TSHZ1: variants seen among roughly 807,000 people sequenced by gnomAD.
TSHZ1 encodes teashirt homolog 1.
Under a neutral mutation model 67.1 loss-of-function variants are expected in TSHZ1, and 12 were observed. The observed-to-expected ratio is 0.18, with a 90% CI of 0.11 to 0.29. The LOEUF is 0.29. Ranked by LOEUF, TSHZ1 falls within the 10% of genes least tolerant of loss-of-function variation. The probability of loss-of-function intolerance (pLI) is 1.00; values close to 1 mark genes in which losing one functional copy is unlikely to be tolerated. For missense variants in TSHZ1, 1,305 were observed against 1,413.9 expected (o/e 0.92, Z 1.23); for synonymous variants, 632 against 622.4 (o/e 1.02, Z -0.23).
intron 1 of TSHZ1, among the ~76,000 whole-genome samples, chr18:75,276,397 G>A (rs1292866353): frequency 2.0e-5 from 3 of 152,000 alleles, no homozygotes; most frequent in Non-Finnish European, 4.4e-5. Flanking sequence ...AAATTAGTGC[G>A]TATATTGTAT....
intron 1 of TSHZ1, among the ~76,000 whole-genome samples, chr18:75,259,054 C>T (rs1003352562): frequency 6.6e-6 from 1 of 152,186 alleles, no homozygotes; most frequent in African/African-American, 2.4e-5. Flanking sequence ...CAATAGGAGC[C>T]GCCTGTTTCT....
chr18:75,233,835 G>A lies in TSHZ1; in HGVS notation c.40+21919G>A, dbSNP rs111257686. The stretch of plus-strand genomic sequence containing the variant: ...CCTTTTTTCTAGCGAGCATCCGCAC[G>A]CCCGGCTTGCACACTGTGGAGGATG... On this transcript the variant is annotated intron_variant, in intron 1 of 1. Transcript: ENST00000580243. 1.2e-3 allele frequency among the ~76,000 whole-genome samples: 188 copies of A among 152,296 alleles called. 1 individual carries two copies. The highest frequency in any genetic ancestry group is 3.1e-3 in the African/African-American group (130 of 41,552).
At position 75,250,200 on chromosome 18, in the gene TSHZ1, C is replaced by G. The variant is rs369100723; in HGVS notation, c.41-35248C>G. Among the ~76,000 whole-genome samples the G allele has an allele frequency of 3.8e-4, 57 of 151,866 alleles. No homozygotes were observed. The East Asian group carries it at 0.01, about 28-fold the overall frequency. ...TCCAGTAGGTGGGGGGGTGACCTCC[C>G]CATCTCACCCCTGCTGTAGGTGAGT... is the stretch of plus-strand genomic sequence containing the variant. On this transcript the variant is annotated intron_variant, in intron 1 of 1. Transcript: ENST00000580243.
chr18:75,263,046 C>CCA (rs2023449362), intron 1 of TSHZ1, among the ~76,000 whole-genome samples: 1 of 152,154 alleles, frequency 6.6e-6, no homozygotes, highest in Admixed American at 6.5e-5. Flanking sequence ...GGGTAACAGT[C>CCA]CAGAGCTCTT....
intron 1 of TSHZ1, among the ~76,000 whole-genome samples, chr18:75,257,764 C>T (rs898186121): frequency 1.3e-5 from 2 of 152,152 alleles, no homozygotes; most frequent in Non-Finnish European, 1.5e-5. Flanking sequence ...TGGATTCAAA[C>T]GCCAGTCGTC....
intron 1 of TSHZ1, among the ~76,000 whole-genome samples, chr18:75,250,968 G>A (rs146731714): frequency 1.3e-5 from 2 of 152,310 alleles, no homozygotes; most frequent in East Asian, 1.9e-4. Flanking sequence ...GCGGGGACAT[G>A]CCTCTTTGCA....
chr18:75,229,801 C>T (rs1472849203), intron 1 of TSHZ1, among the ~76,000 whole-genome samples: 2 of 152,178 alleles, frequency 1.3e-5, no homozygotes, highest in Non-Finnish European at 2.9e-5. Flanking sequence ...TAACATCAAT[C>T]TAACCTAAAA....
chr18:75,264,896 A>T (rs980670612), intron 1 of TSHZ1, among the ~76,000 whole-genome samples: 18 of 152,240 alleles, frequency 1.2e-4, no homozygotes, highest in Admixed American at 1.3e-4. Context: ...TTAGGCAAAG[A>T]TGTACTATCC....
At chr18:75,248,636 A>G (rs2023253560) in intron 1 of TSHZ1, among the ~76,000 whole-genome samples, 1 of 152,230 alleles carries the variant, frequency 6.6e-6, no homozygotes. Flanking sequence ...GAAAACCACA[A>G]ATTTCTAAAA....
chr18:75,227,157 A>T (rs191838739), intron 1 of TSHZ1, among the ~76,000 whole-genome samples: 20 of 152,178 alleles, frequency 1.3e-4, no homozygotes, highest in Admixed American at 1.3e-3. Context: ...GGCATAAAGA[A>T]CCAGCAGCAA....
chr18:75,271,965 G>A (rs1202395053), intron 1 of TSHZ1, among the ~76,000 whole-genome samples: 2 of 152,214 alleles, frequency 1.3e-5, no homozygotes, highest in African/African-American at 4.8e-5. Flanking sequence ...TGTAAAGAAT[G>A]TATGGAAGTC....
intron 1 of TSHZ1, among the ~76,000 whole-genome samples, chr18:75,222,612 G>A (rs1480434578): frequency 6.6e-6 from 1 of 152,130 alleles, no homozygotes; most frequent in Non-Finnish European, 1.5e-5. Flanking sequence ...GAGATCATGG[G>A]AGGGGGTTTT....
chr18:75,253,445 C>T (rs934899596), intron 1 of TSHZ1, among the ~76,000 whole-genome samples: 3 of 152,200 alleles, frequency 2.0e-5, no homozygotes, highest in African/African-American at 4.8e-5. Context: ...GATGCCTTAA[C>T]GCATCTTCTG....
At chr18:75,237,821 T>TTTATTTATTTA (rs2023096978) in intron 1 of TSHZ1, among the ~76,000 whole-genome samples, 2 of 151,710 alleles carry the variant, frequency 1.3e-5, no homozygotes, top group Non-Finnish European at 2.9e-5. Context: ...TATTTATTTA[T>TTTATTTATTTA]TTATTTTTGA....
chr18:75,287,044 A>G lies in TSHZ1; in HGVS notation c.1637A>G (p.Lys546Arg). 6.2e-7 allele frequency: 1 copy of G among 1,614,014 alleles called. No homozygotes were observed. Among genetic ancestry groups the G allele is most frequent in the Non-Finnish European group, 8.5e-7 (1 of 1,179,994 alleles). The change falls in exon 2 of 2, where the codon AAG becomes AGG. Residue 546 changes from lysine (K) to arginine (R), a missense_variant. By Grantham distance (26) the Lys-to-Arg change is conservative. Around this residue, in one of 3 missense-constraint regions of TSHZ1, gnomAD observed 909 missense variants for 961.8 expected, o/e 0.95. Coordinates refer to ENST00000580243, the MANE Select transcript of TSHZ1 (RefSeq NM_001308210.2). This position sits in a 1 kb window ranked among gnomAD's most constrained non-coding sequence, Gnocchi z 5.0. Reference sequence around the variant, plus strand: ...GAGGAGGACCTGGACGACAGCCCCAAGGGAGGGCTGGACATTCTCAAGTCC... The same window carrying G: ...GAGGAGGACCTGGACGACAGCCCCAGGGGAGGGCTGGACATTCTCAAGTCC... Reference protein sequence around the residue: ...LREEDLDDSPKGGLDILKSLE... With the variant: ...LREEDLDDSPRGGLDILKSLE...
At chr18:75,255,069 C>T (rs1214833922) in intron 1 of TSHZ1, among the ~76,000 whole-genome samples, 5 of 152,178 alleles carry the variant, frequency 3.3e-5, no homozygotes, top group African/African-American at 1.2e-4. Flanking sequence ...TGATGAAACA[C>T]ACCTTCTGTA....
Position 75,218,744 on chromosome 18 carries a change from G to A in TSHZ1, c.40+6828G>A, listed in dbSNP as rs192957794. On this transcript the variant is annotated intron_variant, in intron 1 of 1. Coordinates refer to ENST00000580243, the MANE Select transcript of TSHZ1 (RefSeq NM_001308210.2). The stretch of plus-strand genomic sequence containing the variant: ...CGGAAAAGCCTATAAAAAGTAAATG[G>A]TAAATTACTCCGGGACAAGGCTCAA... Among the ~76,000 whole-genome samples, 102 of 152,284 alleles carry A rather than the reference G, an allele frequency of 6.7e-4. No homozygotes were observed. The East Asian group carries it at 0.019, about 28-fold the overall frequency.
chr18:75,218,684 C>G (rs527469013), intron 1 of TSHZ1, among the ~76,000 whole-genome samples: 1 of 152,354 alleles, frequency 6.6e-6, no homozygotes, highest in East Asian at 1.9e-4. Flanking sequence ...GCAGCCTGCA[C>G]CCACGTCAGT....
intron 1 of TSHZ1, among the ~76,000 whole-genome samples, chr18:75,271,181 A>T (rs1293384655): frequency 6.6e-6 from 1 of 152,194 alleles, no homozygotes; most frequent in Non-Finnish European, 1.5e-5. Flanking sequence ...CAGGCAGCCG[A>T]TCAGAAGAAA....
Sources: gnomAD v4.1 joint callset for allele counts (sites outside exome capture counted in the v4.1 genomes callset) on GRCh38, gnomAD v4.1.1 for gene constraint, gnomAD v4.1.1 regional missense constraint, Gnocchi (gnomAD v3.1) non-coding constraint, MANE v1.5 for transcripts, NCBI Gene and HGNC (gene_info 2026-07-23, HGNC 2026-07-21) for gene names.